Variants in CNGA3 observed in about 807,000 individuals in gnomAD.
The protein encoded by CNGA3 is cyclic nucleotide gated channel subunit alpha 3.
A neutral mutation model predicts 46.6 loss-of-function variants in CNGA3; 42 were observed. The observed-to-expected ratio is 0.90, with a 90% CI of 0.70 to 1.17. The LOEUF is 1.17. CNGA3 is among the 50% of genes most tolerant of loss of function. CNGA3 has a pLI of 0.00. For missense variants in CNGA3, 893 were observed against 890.7 expected, an observed-to-expected ratio of 1.00 and a Z score of -0.03; for synonymous variants, 394 against 369.4, an observed-to-expected ratio of 1.07 and a Z score of -0.76.
rs188737111 is a variant in CNGA3, at chr2:98,384,818, G to A, written c.449+1377G>A. ...TGGGTGGATAGCGTGGGCTGCACCC[G>A]GCTCTTCAATCTTTCAATAAATGGG... On this transcript the variant is annotated intron_variant, in intron 5 of 7. Transcript: ENST00000272602. 5.2e-4 allele frequency among the ~76,000 whole-genome samples: 79 copies of A among 152,224 alleles called. 1 individual carries two copies. The highest frequency in any genetic ancestry group is 5.0e-3 in the Admixed American group (77 of 15,298).
intron 3 of CNGA3, chr2:98,378,222 G>A (rs1311730182): frequency 6.5e-7 from 1 of 1,537,928 alleles, no homozygotes; most frequent in East Asian, 2.4e-5. Flanking sequence ...CCCCAGGGCA[G>A]GTAGGTGTCC....
intron 2 of CNGA3, among the ~76,000 whole-genome samples, chr2:98,376,993 G>A (rs1203591004): frequency 6.6e-6 from 1 of 152,224 alleles, no homozygotes; most frequent in African/African-American, 2.4e-5. Flanking sequence ...GGTTGCACAA[G>A]GGGAGTCACC....
intron 1 of CNGA3, among the ~76,000 whole-genome samples, chr2:98,360,467 A>C (rs1429083873): frequency 6.6e-6 from 1 of 152,234 alleles, no homozygotes; most frequent in Non-Finnish European, 1.5e-5. Context: ...GTTTTTCCAC[A>C]GAGTCCCAAA....
Position 98,380,251 on chromosome 2 carries a change from T to C in CNGA3, c.292T>C (p.Phe98Leu). The stretch of plus-strand genomic sequence containing the variant: ...CCACCAGGACCAGGGACCGGACTCT[T>C]TTCCTGATCGTTTCCGTGGAGCCGA... ...VHHQDQGPDS[F>L]PDRFRGAELK... is the part of the protein sequence containing the mutation. The change falls in exon 4 of 8, where the codon TTT becomes CTT. Residue 98 changes from phenylalanine (F) to leucine (L), a missense_variant. By Grantham distance (22) the Phe-to-Leu change is conservative. Coordinates refer to ENST00000272602, the MANE Select transcript of CNGA3 (RefSeq NM_001298.3). The C allele has an allele frequency of 6.2e-7, 1 of 1,614,152 alleles. No homozygotes were observed. The highest frequency in any genetic ancestry group is 1.1e-5 in the South Asian group (1 of 91,080).
intron 4 of CNGA3, among the ~76,000 whole-genome samples, chr2:98,382,586 G>C (rs970069782): frequency 6.6e-6 from 1 of 152,218 alleles, no homozygotes; most frequent in Non-Finnish European, 1.5e-5. Context: ...CAGTTCCCGT[G>C]GTCTCCTATG....
At position 98,397,288 on chromosome 2, in the gene CNGA3, C is replaced by T. The variant is rs757499371; in HGVS notation, c.*33C>T. 1.1e-5 allele frequency: 18 copies of T among 1,606,460 alleles called. No individual in the cohort carries two copies. The highest frequency in any genetic ancestry group is 1.7e-4 in the Middle Eastern group (1 of 5,984). On this transcript the variant is annotated 3_prime_UTR_variant, in exon 8 of 8. Coordinates refer to ENST00000272602, the MANE Select transcript of CNGA3 (RefSeq NM_001298.3). The stretch of plus-strand genomic sequence containing the variant: ...GCATCTGTCTCCTGCTTCACAGGGT[C>T]GACTGTCAGGGTGACCGTATGTGGC...
chr2:98,373,493 G>A (rs11691306), intron 2 of CNGA3, among the ~76,000 whole-genome samples: 21,091 of 152,164 alleles, frequency 0.14, 2,067 homozygotes, highest in Non-Finnish European at 0.2. Flanking sequence ...GCATAGCCAA[G>A]TCTCTGTCCC....
intron 1 of CNGA3, among the ~76,000 whole-genome samples, chr2:98,368,743 A>G (rs1692219311): frequency 1.3e-5 from 2 of 152,242 alleles, no homozygotes; most frequent in South Asian, 4.1e-4. Context: ...CTCAGGGATC[A>G]GGGTTTTTAA....
intron 4 of CNGA3, among the ~76,000 whole-genome samples, 193 bp downstream of exon 4, chr2:98,380,547 C>A (rs1046952691): frequency 6.6e-6 from 1 of 152,146 alleles, no homozygotes; most frequent in Non-Finnish European, 1.5e-5. Context: ...GTCCAAGAGG[C>A]CTTGCAGGAG....
chr2:98,379,906 T>C, intron 3 of CNGA3: 1 of 541,232 alleles, frequency 1.8e-6, no homozygotes, highest in Non-Finnish European at 3.3e-6. Flanking sequence ...CAAGGACAAA[T>C]GGTAATAAAG....
chr2:98,377,668 T>C lies in CNGA3; in HGVS notation c.102-19T>C, dbSNP rs1176421944. ...TGGGCTTGAAATCAATTCTGCTTGC[T>C]GCATATCTGATTTCCTAGAGCCCAC... On this transcript the variant is annotated intron_variant, in intron 2 of 7. Transcript: ENST00000272602. 3.1e-6 allele frequency: 5 copies of C among 1,603,514 alleles called. No homozygotes were observed. In the Admixed American group the frequency reaches 5.0e-5, roughly 16 times the overall value.
intron 7 of CNGA3, among the ~76,000 whole-genome samples, chr2:98,393,179 G>C (rs978459070): frequency 3.9e-5 from 6 of 151,934 alleles, no homozygotes; most frequent in Admixed American, 1.3e-4. Flanking sequence ...AGCCCAGGAG[G>C]TCAAGACTGT....
At chr2:98,389,517 G>C in intron 5 of CNGA3, 141 bp from the exon 6 acceptor site, 2 of 768,344 alleles carry the variant, frequency 2.6e-6, no homozygotes, top group Non-Finnish European at 4.7e-6. Context: ...CTCCCCATGT[G>C]ACTCCCTTGA....
At chr2:98,367,445 C>T (rs911214409) in intron 1 of CNGA3, among the ~76,000 whole-genome samples, 16 of 152,086 alleles carry the variant, frequency 1.1e-4, no homozygotes, top group African/African-American at 3.9e-4. Flanking sequence ...CCAGCCGCTT[C>T]GGCCTCCCAA....
intron 1 of CNGA3, among the ~76,000 whole-genome samples, chr2:98,363,114 AGGATT>A (rs1291963609): frequency 1.3e-5 from 2 of 152,184 alleles, no homozygotes; most frequent in Non-Finnish European, 2.9e-5. Flanking sequence ...CTTTTTGTTT[AGGATT>A]GTCTTGGCTA....
At chr2:98,359,776 C>G (rs561904197) in intron 1 of CNGA3, among the ~76,000 whole-genome samples, 2 of 152,322 alleles carry the variant, frequency 1.3e-5, no homozygotes, top group East Asian at 3.9e-4. Flanking sequence ...CCCCCACAAA[C>G]AGCTGCTCCT....
At chr2:98,355,692 C>T (rs746914738) in intron 1 of CNGA3, 8 of 152,174 alleles carry the variant, frequency 5.3e-5, no homozygotes, top group Non-Finnish European at 8.8e-5. Flanking sequence ...TCAAAGTTAT[C>T]AAATACTTTT....
At chr2:98,365,965 A>T (rs1290308951) in intron 1 of CNGA3, among the ~76,000 whole-genome samples, 1 of 152,140 alleles carries the variant, frequency 6.6e-6, no homozygotes, top group Non-Finnish European at 1.5e-5. Flanking sequence ...GATCATTTGG[A>T]GGAGAAGAGG....
intron 2 of CNGA3, among the ~76,000 whole-genome samples, chr2:98,371,292 C>A (rs1443269452): frequency 6.6e-6 from 1 of 152,180 alleles, no homozygotes. Flanking sequence ...ATCCCTCAGT[C>A]CCCACCTCCC....
Sources: gnomAD v4.1 joint callset for allele counts (sites outside exome capture counted in the v4.1 genomes callset) on GRCh38, gnomAD v4.1.1 for gene constraint, MANE v1.5 for transcripts, NCBI Gene and HGNC (gene_info 2026-07-23, HGNC 2026-07-21) for gene names.